Variants in ADAR observed in about 807,000 individuals in gnomAD.
The protein encoded by ADAR is adenosine deaminase RNA specific, also known as double-stranded RNA-specific adenosine deaminase.
In ADAR, 41 loss-of-function variants were observed where a neutral mutation model predicts 113.2. That is an observed-to-expected ratio of 0.36 (90% CI 0.28 to 0.47). The LOEUF is 0.47. Among genes scored for constraint, ADAR ranks in the 20% least tolerant of loss-of-function variants. The pLI is 1.00. For synonymous variants in ADAR, 605 were observed against 572.6 expected (o/e 1.06, Z -0.81); for missense variants, 1,242 against 1,540.9 (o/e 0.81, Z 3.25).
chr1:154,594,984 T>A (rs1242592936), intron 6 of ADAR, among the ~76,000 whole-genome samples: 1 of 152,226 alleles, frequency 6.6e-6, no homozygotes, highest in Non-Finnish European at 1.5e-5. Flanking sequence ...TTTTGTTCAA[T>A]GATAAATCAC....
intron 7 of ADAR, 43 bp downstream of exon 7, chr1:154,590,141 A>AGCG: frequency 1.3e-6 from 1 of 760,864 alleles, no homozygotes; most frequent in Non-Finnish European, 2.2e-6. Flanking sequence ...AGTTAGGAGG[A>AGCG]CCCCCCCGCC....
intron 2 of ADAR, 88 bp from the exon 3 acceptor site, chr1:154,598,673 G>A: frequency 7.2e-7 from 1 of 1,391,070 alleles, no homozygotes; most frequent in Non-Finnish European, 1.0e-6. Context: ...GGAATTTTCT[G>A]CTACGCTAAG....
In ADAR at chr1:154,602,445, G is replaced by A. The variant is rs1697948780; in HGVS notation, c.197C>T (p.Pro66Leu). 1.2e-6 allele frequency: 2 copies of A among 1,612,884 alleles called. No homozygotes were observed. Among genetic ancestry groups the A allele is most frequent in the Non-Finnish European group, 1.7e-6 (2 of 1,179,200 alleles). ...VIGKQTPSLP[P>L]SLPGLRPRFP... is the part of the protein sequence containing the mutation. ...CCTTGGCCGGAGTCCTGGGAGGGAA[G>A]GTGGCAGTGACGGTGTCTGCTTTCC... is the stretch of plus-strand genomic sequence containing the variant. The change falls in exon 2 of 15, where the codon CCT becomes CTT. Residue 66 changes from proline (P) to leucine (L), a missense_variant. Physicochemically the swap from Pro to Leu is moderately conservative, Grantham distance 98. Coordinates refer to ENST00000368474, the MANE Select transcript of ADAR (RefSeq NM_001111.5).
chr1:154,617,367 T>G (rs910265045), intron 1 of ADAR, among the ~76,000 whole-genome samples: 10 of 152,168 alleles, frequency 6.6e-5, no homozygotes, highest in Non-Finnish European at 1.5e-4. Context: ...GAGTCTAGAT[T>G]CTTACTTTAA....
At chr1:154,627,112 A>C (rs1240551894) in intron 1 of ADAR, among the ~76,000 whole-genome samples, 5 of 152,188 alleles carry the variant, frequency 3.3e-5, no homozygotes, top group Non-Finnish European at 7.3e-5. Context: ...TCCACACAAC[A>C]TTCAAAATCC....
chr1:154,605,372 C>T (rs1698125927), intron 1 of ADAR, among the ~76,000 whole-genome samples: 1 of 151,152 alleles, frequency 6.6e-6, no homozygotes, highest in South Asian at 2.1e-4. Flanking sequence ...GGTTTCCTCT[C>T]CTTGAGCTTC....
At chr1:154,627,819 C>T (rs778928226) in intron 1 of ADAR, 25 of 516,524 alleles carry the variant, frequency 4.8e-5, no homozygotes, top group African/African-American at 7.7e-5. Flanking sequence ...CGTTCCAGCC[C>T]AGGCAGGTGT....
rs958924655 is a variant in ADAR at position 154,601,536 on chromosome 1, G to A, written c.1106C>T (p.Thr369Met). 23 of 1,613,140 alleles carry A rather than the reference G, an allele frequency of 1.4e-5. No homozygotes were observed. Among genetic ancestry groups the A allele is most frequent in the Non-Finnish European group, 1.9e-5 (22 of 1,180,046 alleles). ...KRERMQIKRN[T>M]NSVPETAPAA... ...TGGAGCGGTTTCAGGAACACTGTTC[G>A]TATTTCTCTTGATTTGCATCCTCTC... The change falls in exon 2 of 15, where the codon ACG becomes ATG. Residue 369 changes from threonine to methionine, a missense_variant. Coordinates refer to ENST00000368474, the MANE Select transcript of ADAR (RefSeq NM_001111.5). The surrounding 1 kb of genome is among the most constrained non-coding windows in gnomAD (Gnocchi z 4.7).
chr1:154,590,505 A>C (rs939678814), intron 6 of ADAR, 96 bp from the exon 7 acceptor site: 1 of 1,200,652 alleles, frequency 8.3e-7, no homozygotes, highest in Non-Finnish European at 1.2e-6. Context: ...CAGTCTTGCA[A>C]ACATATGGAC....
chr1:154,627,925 A>ACCCCCCCCCCCC, exon 1 of ADAR: 1 of 293,264 alleles, frequency 3.4e-6, no homozygotes, highest in South Asian at 2.0e-5. Context: ...CCCTCCCCCC[A>ACCCCCCCCCCCC]CCCTCCCCCA....
At position 154,588,150 on chromosome 1, in the gene ADAR, T is replaced by C; in HGVS notation, c.2994A>G (p.Gly998=). 6.2e-7 allele frequency: 1 copy of C among 1,614,044 alleles called. No homozygotes were observed. Among genetic ancestry groups the C allele is most frequent in the Non-Finnish European group, 8.5e-7 (1 of 1,180,028 alleles). Residue 998 remains glycine (G), a synonymous_variant, in exon 11 of 15, where the codon GGA becomes GGG. Transcript: ENST00000368474. ...CGTTCTCCACCTTGGTGCGGAGCTTTCCTTGTTTGGGATTCTCGAAGACAG... is the reference window on the plus strand; with the variant it reads ...CGTTCTCCACCTTGGTGCGGAGCTTCCCTTGTTTGGGATTCTCGAAGACAG... ...HYPVFENPKQ[G]KLRTKVENGE... is the part of the protein sequence containing the mutation.
intron 1 of ADAR, among the ~76,000 whole-genome samples, chr1:154,627,215 CA>C (rs1698965052): frequency 6.6e-6 from 1 of 152,192 alleles, no homozygotes; most frequent in Admixed American, 6.5e-5. Context: ...GTGGGGCCCC[CA>C]AATCAAGCTA....
Position 154,582,944 on chromosome 1 carries a change from G to C in ADAR, c.*1862C>G, listed in dbSNP as rs1384482580. 6.6e-6 allele frequency: 1 copy of C among 152,316 alleles called. No individual in the cohort carries two copies. The highest frequency in any genetic ancestry group is 1.9e-4 in the East Asian group (1 of 5,184). The allele number at this position is 152,316 out of a possible 1,614,324, so 9.4% of individuals were successfully genotyped here. ...TGGGATGCTTTGGTGTTCTGCAAAG[G>C]CATCCTTAGTCTATTTTTAGAACTT... On this transcript the variant is annotated 3_prime_UTR_variant, in exon 15 of 15. Transcript: ENST00000368474.
Position 154,597,920 on chromosome 1 carries a change from G to T in ADAR, c.1842C>A (p.Ser614Arg). ...PSATSFFSGK[S>R]PVTTLLECMH... ...TACACTCAAGCAGTGTGGTGACGGGGCTCTTCCCAGAAAAGAAGGATGTGG... is the reference window on the plus strand; with the variant it reads ...TACACTCAAGCAGTGTGGTGACGGGTCTCTTCCCAGAAAAGAAGGATGTGG... Residue 614 changes from serine (S) to arginine (R), a missense_variant, in exon 4 of 15, where the codon AGC (serine) becomes AGA (arginine). Physicochemically the swap from Ser to Arg is moderately radical, Grantham distance 110 (BLOSUM62 -1). This residue lies in a region of ADAR where 780 missense variants were observed against 1,057.9 expected (regional missense o/e 0.74). Coordinates refer to ENST00000368474, the MANE Select transcript of ADAR (RefSeq NM_001111.5). The T allele has an allele frequency of 1.2e-6, 2 of 1,614,156 alleles. No homozygotes were observed. The highest frequency in any genetic ancestry group is 1.7e-6 in the Non-Finnish European group (2 of 1,180,016).
intron 1 of ADAR, among the ~76,000 whole-genome samples, chr1:154,625,944 C>G (rs1698921311): frequency 7.4e-6 from 1 of 135,714 alleles, no homozygotes; most frequent in African/African-American, 2.8e-5. Context: ...GTAGAGTTTG[C>G]AGTGAGCTGA....
At chr1:154,607,872 GAC>G (rs71586026) in intron 1 of ADAR, 118 bp downstream of exon 1, 2,041 of 1,210,798 alleles carry the variant, frequency 1.7e-3, no homozygotes, top group Admixed American at 3.3e-3. Flanking sequence ...TTGGCAAGAC[GAC>G]ACACACACAC....
chr1:154,588,315 G>A, intron 10 of ADAR, 57 bp from the exon 11 acceptor site: 1 of 1,612,988 alleles, frequency 6.2e-7, no homozygotes, highest in Non-Finnish European at 8.5e-7. Flanking sequence ...AATTTCGTGG[G>A]GCTCCAAAAC....
At chr1:154,611,939 C>T (rs114715055), upstream of ADAR, among the ~76,000 whole-genome samples, 501 of 152,358 alleles carry the variant, frequency 3.3e-3, 1 homozygote, top group African/African-American at 0.011. Context: ...TAGGAAAGGA[C>T]ATGCTATTAT....
intron 6 of ADAR, among the ~76,000 whole-genome samples, chr1:154,592,139 T>C (rs188254007): frequency 2.0e-5 from 3 of 152,354 alleles, no homozygotes; most frequent in African/African-American, 7.2e-5. Context: ...TTGCCATAAG[T>C]GCCTCCTCTC....
Sources: gnomAD v4.1 joint callset for allele counts (sites outside exome capture counted in the v4.1 genomes callset) on GRCh38, gnomAD v4.1.1 for gene constraint, gnomAD v4.1.1 regional missense constraint, Gnocchi (gnomAD v3.1) non-coding constraint, MANE v1.5 for transcripts, NCBI Gene and HGNC (gene_info 2026-07-23, HGNC 2026-07-21) for gene names.